PAPSS1: variants seen among roughly 807,000 people sequenced by gnomAD.
PAPSS1 encodes the protein bifunctional 3'-phosphoadenosine 5'-phosphosulfate synthase 1.
A neutral mutation model predicts 72.0 loss-of-function variants in PAPSS1; 50 were observed. The ratio of observed to expected loss-of-function variants is 0.69; its 90% CI spans 0.55 to 0.88. The LOEUF (loss-of-function observed/expected upper bound fraction) is 0.88, where lower values mean the gene tolerates loss of function less well. Ranked by LOEUF, PAPSS1 falls within the 40% of genes least tolerant of loss-of-function variation. The probability of loss-of-function intolerance (pLI) is 0.00; values close to 1 mark genes in which losing one functional copy is unlikely to be tolerated. For missense variants in PAPSS1, 657 were observed against 782.2 expected (o/e 0.84, Z 1.91); for synonymous variants, 261 against 263.6 (o/e 0.99, Z 0.09).
intron 11 of PAPSS1, among the ~76,000 whole-genome samples, chr4:107,615,500 A>T (rs1418177007): frequency 6.6e-6 from 1 of 152,196 alleles, no homozygotes; most frequent in Non-Finnish European, 1.5e-5. Context: ...TAATAATCAC[A>T]CTTCTACAAA....
intron 11 of PAPSS1, among the ~76,000 whole-genome samples, chr4:107,623,282 AT>A (rs11320398): frequency 0.28 from 42,477 of 151,526 alleles, 6,157 homozygotes; most frequent in Middle Eastern, 0.33. Flanking sequence ...TGTAGTTTCC[AT>A]TTTTTTTCTT....
At chr4:107,699,402 AC>A (rs1204906340) in intron 2 of PAPSS1, among the ~76,000 whole-genome samples, 1 of 152,010 alleles carries the variant, frequency 6.6e-6, no homozygotes, top group Admixed American at 6.5e-5. Context: ...TAACAGAGGA[AC>A]AGACAAATAT....
chr4:107,649,625 C>G (rs1008588651), intron 9 of PAPSS1, among the ~76,000 whole-genome samples: 1 of 152,182 alleles, frequency 6.6e-6, no homozygotes, highest in Non-Finnish European at 1.5e-5. Context: ...CACTTCAGAG[C>G]CAAACATAGA....
In PAPSS1 at chr4:107,656,963, G is replaced by A. The variant is rs771140209; in HGVS notation, c.828C>T (p.Thr276=). The change falls in exon 7 of 12, where the codon ACC becomes ACT. Residue 276 remains threonine, a synonymous_variant. Coordinates refer to ENST00000265174, the MANE Select transcript of PAPSS1 (RefSeq NM_005443.5). ...WVQVLAEGWA[T]PLNGFMRERE... ...TCTCTCTCATAAAGCCATTCAATGG[G>A]GTTGCCCAACCTTCTGCCAAAACCT... 1 of 1,613,888 alleles carries A rather than the reference G, an allele frequency of 6.2e-7. No homozygotes were observed. The highest frequency in any genetic ancestry group is 1.1e-5 in the South Asian group (1 of 91,064).
At chr4:107,616,080 TAGAG>T (rs34351516) in intron 11 of PAPSS1, among the ~76,000 whole-genome samples, 33 of 149,732 alleles carry the variant, frequency 2.2e-4, no homozygotes, top group Admixed American at 5.3e-4. Flanking sequence ...TTTTAGAAAA[TAGAG>T]AGAGAGAGAG....
At chr4:107,664,780 C>T (rs1727270840) in intron 5 of PAPSS1, among the ~76,000 whole-genome samples, 1 of 152,142 alleles carries the variant, frequency 6.6e-6, no homozygotes, top group Non-Finnish European at 1.5e-5. Context: ...ATATTTTGTG[C>T]ACTAATAAAG....
intron 4 of PAPSS1, among the ~76,000 whole-genome samples, chr4:107,685,056 C>T (rs1016104996): frequency 6.6e-6 from 1 of 152,176 alleles, no homozygotes; most frequent in African/African-American, 2.4e-5. Flanking sequence ...CAGGCGCCCG[C>T]CACCATGCTG....
intron 1 of PAPSS1, among the ~76,000 whole-genome samples, chr4:107,706,409 C>T (rs1412207293): frequency 3.9e-5 from 6 of 152,074 alleles, no homozygotes; most frequent in Admixed American, 3.9e-4. Context: ...TATGGATGCT[C>T]TCTATTGCAT....
chr4:107,637,823 T>G lies in PAPSS1; in HGVS notation c.1507-5963A>C, dbSNP rs187226294. ...TTGTGTTAATGCTATAAAAATTCTT[T>G]AGGAAGTCAAGTGCATTACCTAATT... On this transcript the variant is annotated intron_variant, in intron 10 of 11. Transcript: ENST00000265174. Among the ~76,000 whole-genome samples, 318 of 152,338 alleles carry G rather than the reference T, an allele frequency of 2.1e-3. 3 individuals carry two copies. Among genetic ancestry groups the G allele is most frequent in the African/African-American group, 7.2e-3 (301 of 41,588 alleles).
intron 9 of PAPSS1, among the ~76,000 whole-genome samples, chr4:107,651,840 A>T (rs1175024782): frequency 1.3e-5 from 2 of 152,204 alleles, no homozygotes; most frequent in African/African-American, 2.4e-5. Context: ...AAAGTGCCTT[A>T]CACATCTTAT....
At chr4:107,614,818 T>G (rs1725777237) in intron 11 of PAPSS1, among the ~76,000 whole-genome samples, 1 of 152,324 alleles carries the variant, frequency 6.6e-6, no homozygotes, top group East Asian at 1.9e-4. Flanking sequence ...CTTAATACTA[T>G]ACTACTTTAT....
chr4:107,654,624 G>C (rs1726943833), intron 8 of PAPSS1, 71 bp downstream of exon 8: 1 of 1,240,132 alleles, frequency 8.1e-7, no homozygotes, highest in African/African-American at 1.5e-5. Context: ...TCAATACACA[G>C]AAAATGCCCA....
chr4:107,694,022 CCAAA>C lies in PAPSS1; in HGVS notation c.176-20_176-17del. ...CCAGACAAGCCTAAAATTAAACAGT[CCAAA>C]CAGATTCCATGTGTAAAGTTAGAAG... On this transcript the variant is annotated splice_polypyrimidine_tract_variant and intron_variant, in intron 2 of 11. Coordinates refer to ENST00000265174, the MANE Select transcript of PAPSS1 (RefSeq NM_005443.5). 6.5e-7 allele frequency: 1 copy of C among 1,527,242 alleles called. No individual in the cohort carries two copies. The highest frequency in any genetic ancestry group is 9.1e-7 in the Non-Finnish European group (1 of 1,104,570). The allele number at this position is 1,527,242 out of a possible 1,614,324, so 94.6% of individuals were successfully genotyped here. A position where few individuals can be genotyped will look rare whatever the true frequency, so the allele number is the denominator to read the frequency against.
intron 6 of PAPSS1, among the ~76,000 whole-genome samples, chr4:107,658,700 G>C (rs2726203): frequency 6.6e-6 from 1 of 151,914 alleles, no homozygotes; most frequent in Non-Finnish European, 1.5e-5. Flanking sequence ...AAAAAAATTG[G>C]ATTCATGAAG....
rs1560577410 is a variant in PAPSS1, at chr4:107,666,376, A to T, written c.670-6304T>A. Reference sequence around the variant, plus strand: ...TGACCAATTTAGGGTCTAGGAAAATAAAAAAATCCTGATTTGTTAGTGTTT... The same window carrying T: ...TGACCAATTTAGGGTCTAGGAAAATTAAAAAATCCTGATTTGTTAGTGTTT... On this transcript the variant is annotated intron_variant, in intron 5 of 11. Transcript: ENST00000265174. Among the ~76,000 whole-genome samples, 2 of 152,192 alleles carry T rather than the reference A, an allele frequency of 1.3e-5. 1 individual carries two copies. Among genetic ancestry groups the T allele is most frequent in the South Asian group, 4.1e-4 (2 of 4,828 alleles).
intron 1 of PAPSS1, among the ~76,000 whole-genome samples, chr4:107,716,627 T>C (rs1723645717): frequency 6.6e-6 from 1 of 152,032 alleles, no homozygotes; most frequent in African/African-American, 2.4e-5. Flanking sequence ...AACTAACACA[T>C]CCCCAAGGGC....
intron 5 of PAPSS1, among the ~76,000 whole-genome samples, chr4:107,680,875 TG>T (rs1727786942): frequency 3.3e-5 from 5 of 152,116 alleles, no homozygotes; most frequent in Non-Finnish European, 5.9e-5. Flanking sequence ...CTGCAAATAA[TG>T]ATACCTGATC....
chr4:107,657,454 A>T (rs1431864867), intron 6 of PAPSS1, among the ~76,000 whole-genome samples: 1 of 152,218 alleles, frequency 6.6e-6, no homozygotes, highest in African/African-American at 2.4e-5. Context: ...GAGGTGGCTC[A>T]CGCCTGAAAT....
chr4:107,705,821 A>G (rs1723326317), intron 1 of PAPSS1, among the ~76,000 whole-genome samples: 1 of 152,150 alleles, frequency 6.6e-6, no homozygotes, highest in South Asian at 2.1e-4. Context: ...CAGCTTGGAG[A>G]ACTCCCTTTA....
Sources: gnomAD v4.1 joint callset for allele counts (sites outside exome capture counted in the v4.1 genomes callset) on GRCh38, gnomAD v4.1.1 for gene constraint, MANE v1.5 for transcripts, NCBI Gene and HGNC (gene_info 2026-07-23, HGNC 2026-07-21) for gene names.